The following PABIR3 variants were observed in gnomAD, a reference collection of about 807,000 sequenced individuals.
The protein encoded by PABIR3 is PABIR family member 3.
A neutral mutation model predicts 23.1 loss-of-function variants in PABIR3; 20 were observed. The observed-to-expected ratio is 0.86, with a 90% CI of 0.61 to 1.26. PABIR3 has a LOEUF of 1.26. PABIR3 is among the 50% of genes most tolerant of loss of function. The pLI is 0.00. For synonymous variants in PABIR3, 69 were observed against 68.5 expected (o/e 1.01, Z -0.04); for missense variants, 189 against 195.4 (o/e 0.97, Z 0.20).
At chrX:134,863,665 C>T in the PABIR3 span, among the ~76,000 whole-genome samples, 13 of 111,420 alleles carry the variant, frequency 1.2e-4, no homozygotes, top group Admixed American at 8.6e-4. Flanking sequence ...AGTGAAAGGC[C>T]GGGGTTCATG....
intron 4 of PABIR3, chrX:134,831,800 A>G (rs931441467): frequency 9.0e-6 from 1 of 111,446 alleles, no homozygotes; most frequent in African/African-American, 3.3e-5. Flanking sequence ...ATTATTGACT[A>G]TAGTCACCCT....
chrX:134,802,872 C>T (rs1349008427), upstream of PABIR3, among the ~76,000 whole-genome samples: 3 of 112,731 alleles, frequency 2.7e-5, no homozygotes, highest in Non-Finnish European at 5.6e-5. Context: ...ATTCTGAAGT[C>T]TCACAGAATC....
rs186264582 is a variant in PABIR3, at chrX:134,817,400, T to C, written c.189+2551T>C. Among the ~76,000 whole-genome samples the C allele has an allele frequency of 1.1e-3, 116 of 106,683 alleles. 1 individual carries two copies. The highest frequency in any genetic ancestry group is 3.8e-3 in the African/African-American group (112 of 29,137). The allele number at this position is 106,683 out of a possible 115,157, so 92.6% of individuals were successfully genotyped here. On this transcript the variant is annotated intron_variant, in intron 3 of 10. Coordinates refer to ENST00000645433, the MANE Select transcript of PABIR3 (RefSeq NM_001388447.1). ...CCTGCTTGCCTCTCAAAGCCTTCCA[T>C]ACCTATCCAGTCTTCTACTCAACGA...
At chrX:134,804,194 G>A, upstream of PABIR3, 1 of 1,150,091 alleles carries the variant, frequency 8.7e-7, no homozygotes, top group African/African-American at 1.8e-5. Flanking sequence ...AGTGTCCCAA[G>A]ATCATGGCAT....
At chrX:134,861,119 AC>A in the PABIR3 span, among the ~76,000 whole-genome samples, 2 of 111,004 alleles carry the variant, frequency 1.8e-5, no homozygotes, top group Non-Finnish European at 3.8e-5. Context: ...TATTAAAAAT[AC>A]AAAAATTAGC....
chrX:134,863,773 T>G, the PABIR3 span, among the ~76,000 whole-genome samples: 1 of 111,660 alleles, frequency 9.0e-6, no homozygotes, highest in Non-Finnish European at 1.9e-5. Flanking sequence ...TAATGAGTCC[T>G]TTGCTTTTTA....
chrX:134,846,077 A>G (rs1424277225), intron 6 of PABIR3, among the ~76,000 whole-genome samples: 1 of 111,855 alleles, frequency 8.9e-6, no homozygotes, highest in Non-Finnish European at 1.9e-5. Context: ...ATGGCTGGGG[A>G]GGCCTCAGGA....
At chrX:134,831,657 A>G (rs912441347) in intron 4 of PABIR3, 13 of 111,768 alleles carry the variant, frequency 1.2e-4, no homozygotes, top group African/African-American at 3.9e-4. Flanking sequence ...TACATGAGAT[A>G]CTTTGATATA....
At chrX:134,803,444 C>A (rs2080115576), upstream of PABIR3, among the ~76,000 whole-genome samples, 1 of 112,649 alleles carries the variant, frequency 8.9e-6, no homozygotes, top group African/African-American at 3.2e-5. Context: ...TGTAATAGTT[C>A]TGAAATTGCT....
chrX:134,799,313 G>A (rs915842751), intron 1 of PABIR3, among the ~76,000 whole-genome samples: 4 of 111,994 alleles, frequency 3.6e-5, no homozygotes, highest in East Asian at 2.8e-4. Context: ...GGCATTCTCC[G>A]GGAAGAAAAA....
At chrX:134,813,210 C>T (rs949792195) in intron 2 of PABIR3, among the ~76,000 whole-genome samples, 1 of 111,794 alleles carries the variant, frequency 8.9e-6, no homozygotes, top group African/African-American at 3.3e-5. Flanking sequence ...GGAGCCAAAC[C>T]GTGGATGGCT....
chrX:134,803,234 G>A (rs1371819462), upstream of PABIR3, among the ~76,000 whole-genome samples: 2 of 112,029 alleles, frequency 1.8e-5, no homozygotes, highest in Non-Finnish European at 3.8e-5. Context: ...GGGGCTGCAT[G>A]TGGAAACAAG....
rs1056078926 is a variant in PABIR3 at position 134,847,381 on chromosome X, A to C, written c.346-2A>C. On this transcript the variant is annotated splice_acceptor_variant, in intron 6 of 10. Transcript: ENST00000645433. LOFTEE classifies it high-confidence loss of function. Reference sequence around the variant, plus strand: ...ATTGTACACTGCTTTCTGCTTACACAGAATGACAATGGCTTACAGAAATCA... The same window carrying C: ...ATTGTACACTGCTTTCTGCTTACACCGAATGACAATGGCTTACAGAAATCA... 37 of 1,195,981 alleles carry C rather than the reference A, an allele frequency of 3.1e-5. No individual in the cohort carries two copies. Among genetic ancestry groups the C allele is most frequent in the Non-Finnish European group, 4.2e-5 (37 of 883,923 alleles).
Position 134,854,188 on chromosome X carries a change from CCTT to C in PABIR3, c.787_789del (p.Ser263del). 2 of 1,210,059 alleles carry C rather than the reference CCTT, an allele frequency of 1.7e-6. No homozygotes were observed. Among genetic ancestry groups the C allele is most frequent in the Non-Finnish European group, 2.2e-6 (2 of 894,497 alleles). The stretch of plus-strand genomic sequence containing the variant: ...CACTGTCACAAACTCTCCTGTGTCA[CCTT>C]CTGATACTGGTTCTCATTTGTTCTA... On this transcript the variant is annotated inframe_deletion, in exon 11 of 11. Transcript: ENST00000645433.
At chrX:134,847,547 C>G in intron 7 of PABIR3, 72 bp downstream of exon 7, 1 of 755,739 alleles carries the variant, frequency 1.3e-6, no homozygotes, top group Admixed American at 2.7e-5. Flanking sequence ...TTAATGGTCA[C>G]CAAAACAAAT....
In PABIR3 at chrX:134,815,383, T is replaced by C. The variant is rs753887475; in HGVS notation, c.189+534T>C. On this transcript the variant is annotated intron_variant, in intron 3 of 10. Coordinates refer to ENST00000645433, the MANE Select transcript of PABIR3 (RefSeq NM_001388447.1). ...AATTATCCTGTAAACATAGGGAATA[T>C]ACTTGTAGATCAGTAAGCCAAGGTG... Among the ~76,000 whole-genome samples, 165 of 112,272 alleles carry C rather than the reference T, an allele frequency of 1.5e-3. 1 individual carries two copies. The highest frequency in any genetic ancestry group is 4.9e-3 in the African/African-American group (152 of 31,002).
chrX:134,838,319 G>GT (rs1218603190), intron 4 of PABIR3, among the ~76,000 whole-genome samples: 146 of 102,391 alleles, frequency 1.4e-3, no homozygotes, highest in Middle Eastern at 5.1e-3. Context: ...CAAGATAAAT[G>GT]TTTTTTTTTT....
At chrX:134,830,325 CTT>C (rs766717674) in intron 4 of PABIR3, among the ~76,000 whole-genome samples, 15 of 62,524 alleles carry the variant, frequency 2.4e-4, no homozygotes, top group African/African-American at 9.3e-4. Flanking sequence ...GGTTTTTTTC[CTT>C]TTTTTTTTTT....
At chrX:134,825,098 C>A (rs2081447937) in intron 3 of PABIR3, among the ~76,000 whole-genome samples, 2 of 111,450 alleles carry the variant, frequency 1.8e-5, no homozygotes, top group Non-Finnish European at 3.8e-5. Context: ...TATGTGGGAA[C>A]TCTTTATAAT....
Sources: allele counts gnomAD v4.1 joint callset (sites outside exome capture counted in the v4.1 genomes callset), GRCh38; gene constraint gnomAD v4.1.1; transcripts MANE v1.5; gene names NCBI Gene and HGNC (gene_info 2026-07-23, HGNC 2026-07-21).